ASAP1: variants seen among roughly 807,000 people sequenced by gnomAD.
ASAP1 encodes the protein ArfGAP with SH3 domain, ankyrin repeat and PH domain 1.
ASAP1 carries 43 observed loss-of-function variants against 145.2 expected under a neutral mutation model. That is an observed-to-expected ratio of 0.30 (90% CI 0.23 to 0.38). The LOEUF is 0.38. Ranked by LOEUF, ASAP1 falls within the 10% of genes least tolerant of loss-of-function variation. ASAP1 has a pLI of 1.00. For missense variants in ASAP1, 1,018 were observed against 1,355.3 expected, an observed-to-expected ratio of 0.75 and a Z score of 3.91; for synonymous variants, 546 against 515.5, an observed-to-expected ratio of 1.06 and a Z score of -0.80.
At chr8:130,273,523 T>C (rs568855938) in intron 3 of ASAP1, among the ~76,000 whole-genome samples, 62 of 152,278 alleles carry the variant, frequency 4.1e-4, no homozygotes, top group African/African-American at 1.5e-3. Context: ...CTTGGGAAAC[T>C]TGCTATAAAC....
chr8:130,075,266 G>A (rs2135265847), intron 27 of ASAP1, among the ~76,000 whole-genome samples: 1 of 152,318 alleles, frequency 6.6e-6, no homozygotes, highest in South Asian at 2.1e-4. Flanking sequence ...GCAAACCCAG[G>A]GGAAGTCTTG....
intron 1 of ASAP1, among the ~76,000 whole-genome samples, chr8:130,412,423 G>A (rs893998597): frequency 1.3e-5 from 2 of 151,784 alleles, no homozygotes; most frequent in Non-Finnish European, 2.9e-5. Flanking sequence ...TCCTGCTTGG[G>A]CCATGTGACG....
rs1253993284 is a variant in ASAP1, at chr8:130,175,907, T to C, written c.746+3357A>G. Reference sequence around the variant, plus strand: ...TAAATGTTAGCTATTATTCTTATTATCTGTAAAATGACAGATAATAAAGCA... The same window carrying C: ...TAAATGTTAGCTATTATTCTTATTACCTGTAAAATGACAGATAATAAAGCA... On this transcript the variant is annotated intron_variant, in intron 9 of 29. Transcript: ENST00000518721. Among the ~76,000 whole-genome samples the C allele has an allele frequency of 2.6e-5, 4 of 152,332 alleles. No individual in the cohort carries two copies. The East Asian group carries it at 7.7e-4, about 29-fold the overall frequency.
chr8:130,167,641 T>A lies in ASAP1; in HGVS notation c.823-19A>T. On this transcript the variant is annotated intron_variant, in intron 10 of 29. Coordinates refer to ENST00000518721, the MANE Select transcript of ASAP1 (RefSeq NM_018482.4). ...GTTTTATCTATGAAAAAAAAATTAC[T>A]TCTATTACTTACCATTTACACTTTC... 6.5e-7 allele frequency: 1 copy of A among 1,550,358 alleles called. No individual in the cohort carries two copies. The highest frequency in any genetic ancestry group is 1.1e-5 in the South Asian group (1 of 89,472).
chr8:130,093,971 T>C (rs533060381), intron 24 of ASAP1, among the ~76,000 whole-genome samples: 1 of 152,288 alleles, frequency 6.6e-6, no homozygotes, highest in African/African-American at 2.4e-5. Context: ...TAGGTTTAAA[T>C]TGCCAGGCTA....
intron 5 of ASAP1, chr8:130,208,855 T>G (rs1277165436): frequency 6.6e-6 from 1 of 152,114 alleles, no homozygotes; most frequent in African/African-American, 2.4e-5. Flanking sequence ...CTGCTCTAGT[T>G]CCAGTACTAC....
rs563823555 is a variant in ASAP1 at position 130,172,058 on chromosome 8, G to A, written c.747-2991C>T. Among the ~76,000 whole-genome samples the A allele has an allele frequency of 6.0e-4, 91 of 152,262 alleles. 1 individual carries two copies. Among genetic ancestry groups the A allele is most frequent in the African/African-American group, 2.1e-3 (87 of 41,544 alleles). ...GATTATGACCAAGAATCTGTGTTCT[G>A]GCAAGTCATTTAACTTCTCTTGGCC... On this transcript the variant is annotated intron_variant, in intron 9 of 29. Transcript: ENST00000518721.
At chr8:130,441,068 T>C (rs1329537682) in intron 1 of ASAP1, among the ~76,000 whole-genome samples, 1 of 152,214 alleles carries the variant, frequency 6.6e-6, no homozygotes, top group African/African-American at 2.4e-5. Context: ...AGGTGCTCAA[T>C]GCATGGTTGT....
At chr8:130,194,802 G>A (rs1815369974) in intron 5 of ASAP1, among the ~76,000 whole-genome samples, 1 of 152,076 alleles carries the variant, frequency 6.6e-6, no homozygotes, top group South Asian at 2.1e-4. Context: ...GGTAATGCTT[G>A]CTCACCCACC....
Position 130,358,634 on chromosome 8 carries a change from G to C in ASAP1, c.60-491C>G, listed in dbSNP as rs962776556. ...CGCGGCGGGCGGGCGGGCGGGCGGC[G>C]CTCGCGCTGCAGTCACGGGGCCAAA... On this transcript the variant is annotated intron_variant, in intron 2 of 29. Transcript: ENST00000518721. This position sits in a 1 kb window ranked among gnomAD's most constrained non-coding sequence, Gnocchi z 4.1. Among the ~76,000 whole-genome samples, 19 of 147,062 alleles carry C rather than the reference G, an allele frequency of 1.3e-4. No individual in the cohort carries two copies. Among genetic ancestry groups the C allele is most frequent in the Admixed American group, 6.1e-4 (9 of 14,830 alleles).
chr8:130,276,760 T>TCTCTCTCTCTCC (rs1333515760), intron 3 of ASAP1, among the ~76,000 whole-genome samples: 70 of 130,338 alleles, frequency 5.4e-4, no homozygotes, highest in South Asian at 9.8e-4. Context: ...TCTCTCTCTC[T>TCTCTCTCTCTCC]CCTCTAACAA....
intron 3 of ASAP1, among the ~76,000 whole-genome samples, chr8:130,309,966 G>C (rs1005086179): frequency 1.3e-5 from 2 of 151,950 alleles, no homozygotes; most frequent in African/African-American, 4.8e-5. Context: ...AGTAATAGCA[G>C]ACAATAAAAA....
At chr8:130,108,761 T>C (rs1049909536) in intron 24 of ASAP1, among the ~76,000 whole-genome samples, 1 of 42,892 alleles carries the variant, frequency 2.3e-5, no homozygotes, top group South Asian at 1.4e-3. Flanking sequence ...AAACCAGTTT[T>C]TTTTTTTTTT....
At chr8:130,408,340 C>G (rs1829123787) in intron 1 of ASAP1, among the ~76,000 whole-genome samples, 1 of 152,216 alleles carries the variant, frequency 6.6e-6, no homozygotes, top group African/African-American at 2.4e-5. Context: ...GAGTGGGCAT[C>G]ATCCAATCCA....
At chr8:130,191,827 G>C (rs1433454212) in intron 5 of ASAP1, among the ~76,000 whole-genome samples, 1 of 152,168 alleles carries the variant, frequency 6.6e-6, no homozygotes, top group Non-Finnish European at 1.5e-5. Context: ...GCTAAATATG[G>C]ATAAGATAAT....
intron 7 of ASAP1, among the ~76,000 whole-genome samples, chr8:130,186,775 GCTGTACAGATAGTTTC>G (rs1814759468): frequency 6.6e-6 from 1 of 152,132 alleles, no homozygotes. Flanking sequence ...AGAGAGTAAA[GCTGTACAGATAGTTTC>G]CTGTGAAGAG....
Position 130,358,606 on chromosome 8 carries a change from T to C in ASAP1, c.60-463A>G, listed in dbSNP as rs1375210473. Among the ~76,000 whole-genome samples, 4 of 141,520 alleles carry C rather than the reference T, an allele frequency of 2.8e-5. No individual in the cohort carries two copies. Among genetic ancestry groups the C allele is most frequent in the Non-Finnish European group, 4.6e-5 (3 of 64,672 alleles). The allele number at this position is 141,520 out of a possible 152,430, so 92.8% of individuals were successfully genotyped here. On this transcript the variant is annotated intron_variant, in intron 2 of 29. Transcript: ENST00000518721. This position sits in a 1 kb window ranked among gnomAD's most constrained non-coding sequence, Gnocchi z 4.1. ...CGGGCCTGACTGACTGAGCGCACAC[T>C]CCCGCGGCGGGCGGGCGGGCGGGCG...
intron 3 of ASAP1, among the ~76,000 whole-genome samples, chr8:130,352,732 G>GA (rs1826073577): frequency 6.6e-6 from 1 of 152,132 alleles, no homozygotes; most frequent in East Asian, 1.9e-4. Context: ...ATAGTAGGGT[G>GA]AAAAAAGGTA....
At chr8:130,181,506 G>A (rs75925342) in intron 7 of ASAP1, among the ~76,000 whole-genome samples, 3,085 of 152,280 alleles carry the variant, frequency 0.02, 48 homozygotes, top group East Asian at 0.063. Context: ...TTGTGGGTAT[G>A]CACAAAATTT....
Sources: allele counts gnomAD v4.1 joint callset (sites outside exome capture counted in the v4.1 genomes callset), GRCh38; gene constraint gnomAD v4.1.1; non-coding constraint Gnocchi (gnomAD v3.1); transcripts MANE v1.5; gene names NCBI Gene and HGNC (gene_info 2026-07-23, HGNC 2026-07-21).